KCNQ5: variants seen among roughly 807,000 people sequenced by gnomAD.
KCNQ5 encodes potassium voltage-gated channel subfamily Q member 5.
In KCNQ5, 30 loss-of-function variants were observed where a neutral mutation model predicts 98.2. That is an observed-to-expected ratio of 0.31 (90% confidence interval 0.23 to 0.41). The LOEUF is 0.41. KCNQ5 is among the 10% of genes least tolerant of loss of function. KCNQ5 has a pLI of 1.00. For synonymous variants in KCNQ5, 458 were observed against 449.4 expected (o/e 1.02, Z -0.24); for missense variants, 835 against 1,182.5 (o/e 0.71, Z 4.31).
intron 1 of KCNQ5, among the ~76,000 whole-genome samples, chr6:72,865,373 T>C (rs773141322): frequency 2.0e-5 from 3 of 152,200 alleles, no homozygotes; most frequent in Non-Finnish European, 4.4e-5. Flanking sequence ...ATAAACCAAG[T>C]ACCTCATAGA....
chr6:72,700,988 G>C (rs1768778112), intron 1 of KCNQ5, among the ~76,000 whole-genome samples: 1 of 152,096 alleles, frequency 6.6e-6, no homozygotes, highest in South Asian at 2.1e-4. Context: ...TCTGACATGC[G>C]ACTACATTGC....
At chr6:72,773,718 T>TA (rs1200756133) in intron 1 of KCNQ5, among the ~76,000 whole-genome samples, 4 of 152,082 alleles carry the variant, frequency 2.6e-5, no homozygotes, top group Non-Finnish European at 5.9e-5. Context: ...AAAACATATA[T>TA]TTTTTTAAAT....
At chr6:72,935,298 T>C (rs1765865934) in intron 1 of KCNQ5, among the ~76,000 whole-genome samples, 1 of 152,084 alleles carries the variant, frequency 6.6e-6, no homozygotes, top group Admixed American at 6.5e-5. Flanking sequence ...CTCAAACTCC[T>C]GACCTCAGGT....
intron 10 of KCNQ5, among the ~76,000 whole-genome samples, chr6:73,137,176 C>G (rs1275051714): frequency 6.6e-6 from 1 of 152,038 alleles, no homozygotes; most frequent in Non-Finnish European, 1.5e-5. Context: ...TTACTACAGA[C>G]AGTAGTGTTT....
At chr6:72,679,810 G>A (rs972750200) in intron 1 of KCNQ5, among the ~76,000 whole-genome samples, 2 of 152,140 alleles carry the variant, frequency 1.3e-5, no homozygotes, top group African/African-American at 2.4e-5. Flanking sequence ...GGCTGAGGTG[G>A]GCAGATCGCC....
At chr6:73,017,714 A>G (rs1476750931) in intron 2 of KCNQ5, among the ~76,000 whole-genome samples, 1 of 152,186 alleles carries the variant, frequency 6.6e-6, no homozygotes, top group Admixed American at 6.5e-5. Context: ...GCAGAACAGA[A>G]AAGAGACTGT....
At chr6:72,895,173 C>A (rs1779199872) in intron 1 of KCNQ5, among the ~76,000 whole-genome samples, 1 of 149,558 alleles carries the variant, frequency 6.7e-6, no homozygotes, top group Non-Finnish European at 1.5e-5. Flanking sequence ...CCTGTAGTCC[C>A]AGCTACTTGG....
chr6:72,762,202 G>A (rs1350925197), intron 1 of KCNQ5, among the ~76,000 whole-genome samples: 3 of 151,998 alleles, frequency 2.0e-5, no homozygotes, highest in Non-Finnish European at 2.9e-5. Flanking sequence ...AAATATCTGG[G>A]GGGAAGGAAA....
intron 1 of KCNQ5, among the ~76,000 whole-genome samples, chr6:72,808,369 G>A (rs574086488): frequency 6.6e-6 from 1 of 152,102 alleles, no homozygotes; most frequent in Admixed American, 6.6e-5. Flanking sequence ...GTATGGTCTG[G>A]AATATTTAGT....
chr6:72,712,707 T>C (rs1769430094), intron 1 of KCNQ5, among the ~76,000 whole-genome samples: 1 of 152,154 alleles, frequency 6.6e-6, no homozygotes, highest in African/African-American at 2.4e-5. Flanking sequence ...TGGAGTATCC[T>C]CTCTGGATGA....
At chr6:73,075,459 G>A (rs184828199) in intron 3 of KCNQ5, among the ~76,000 whole-genome samples, 188 of 152,218 alleles carry the variant, frequency 1.2e-3, no homozygotes, top group Non-Finnish European at 1.5e-3. Flanking sequence ...CTGACCTCAT[G>A]ATCCGCCCAC....
At chr6:72,934,968 T>G (rs1365410484) in intron 1 of KCNQ5, among the ~76,000 whole-genome samples, 1 of 152,068 alleles carries the variant, frequency 6.6e-6, no homozygotes, top group Non-Finnish European at 1.5e-5. Flanking sequence ...TAGTACAAAT[T>G]CCATGTACCT....
chr6:72,651,740 A>T (rs1281056289), intron 1 of KCNQ5, among the ~76,000 whole-genome samples: 1 of 152,092 alleles, frequency 6.6e-6, no homozygotes, highest in Admixed American at 6.6e-5. Context: ...ATGATATTAC[A>T]TATCAAAGAG....
In KCNQ5 at chr6:72,696,143, A is replaced by G. The variant is rs1390188128; in HGVS notation, c.398+73556A>G. 2.0e-5 allele frequency among the ~76,000 whole-genome samples: 3 copies of G among 152,298 alleles called. No individual in the cohort carries two copies. The East Asian group carries it at 5.8e-4, about 29-fold the overall frequency. On this transcript the variant is annotated intron_variant, in intron 1 of 13. Coordinates refer to ENST00000370398, the MANE Select transcript of KCNQ5 (RefSeq NM_019842.4). ...TCACTTCTCCGCATGAGAAACTCTT[A>G]CACATGTGCACAAAGATATCTAAAA...
At chr6:72,852,858 C>T (rs1294131737) in intron 1 of KCNQ5, among the ~76,000 whole-genome samples, 2 of 151,144 alleles carry the variant, frequency 1.3e-5, no homozygotes, top group African/African-American at 2.4e-5. Context: ...TATTGTATTG[C>T]CTATGTTCTT....
chr6:73,046,554 A>G (rs1208161371), intron 3 of KCNQ5, among the ~76,000 whole-genome samples: 5 of 151,650 alleles, frequency 3.3e-5, no homozygotes, highest in South Asian at 2.1e-4. Flanking sequence ...TTAATTCTAC[A>G]TAAGTACTAT....
chr6:73,051,201 G>A (rs558403698), intron 3 of KCNQ5, among the ~76,000 whole-genome samples: 5 of 152,088 alleles, frequency 3.3e-5, no homozygotes, highest in East Asian at 1.9e-4. Context: ...CCTGCCCCAC[G>A]CTGCCACTGC....
intron 1 of KCNQ5, among the ~76,000 whole-genome samples, chr6:72,895,043 C>A (rs915635494): frequency 2.7e-5 from 4 of 148,292 alleles, no homozygotes; most frequent in Admixed American, 6.8e-5. Context: ...CTTTGGGAGG[C>A]CGAGATGGGC....
At chr6:72,686,329 C>T (rs1337955988) in intron 1 of KCNQ5, among the ~76,000 whole-genome samples, 1 of 152,074 alleles carries the variant, frequency 6.6e-6, no homozygotes, top group Non-Finnish European at 1.5e-5. Flanking sequence ...TGTGATGTTC[C>T]CTCGAGCTGA....
Sources: gnomAD v4.1 joint callset for allele counts (sites outside exome capture counted in the v4.1 genomes callset) on GRCh38, gnomAD v4.1.1 for gene constraint, MANE v1.5 for transcripts, NCBI Gene and HGNC (gene_info 2026-07-23, HGNC 2026-07-21) for gene names.